Variants in RBFOX1 observed in about 807,000 individuals in gnomAD.
RBFOX1 encodes the protein RNA binding fox-1 homolog 1, also known as RNA binding protein fox-1 homolog 1.
Under a neutral mutation model 57.7 loss-of-function variants are expected in RBFOX1, and 8 were observed. The ratio of observed to expected loss-of-function variants is 0.14; its 90% CI spans 0.08 to 0.25. RBFOX1 has a LOEUF of 0.25. Ranked by LOEUF, RBFOX1 falls within the 10% of genes least tolerant of loss-of-function variation. The pLI is 1.00. For synonymous variants in RBFOX1, 326 were observed against 222.4 expected (o/e 1.47, Z -4.15); for missense variants, 611 against 548.5 (o/e 1.11, Z -1.14).
At chr16:5,398,034 T>C (rs1271892142) in intron 1 of RBFOX1, among the ~76,000 whole-genome samples, 2 of 151,712 alleles carry the variant, frequency 1.3e-5, no homozygotes, top group Admixed American at 1.3e-4. Flanking sequence ...TTTAATTGAA[T>C]TGTGGTTGGT....
At chr16:5,603,217 A>G (rs2047426161), downstream of RBFOX1, among the ~76,000 whole-genome samples, 1 of 152,204 alleles carries the variant, frequency 6.6e-6, no homozygotes, top group African/African-American at 2.4e-5. Context: ...AAATAATCAT[A>G]ACAGCTAGCA....
chr16:5,766,188 T>G (rs2053771292), intron 3 of RBFOX1, among the ~76,000 whole-genome samples: 1 of 152,148 alleles, frequency 6.6e-6, no homozygotes, highest in African/African-American at 2.4e-5. Flanking sequence ...TAAGAACAGC[T>G]TGTCTAGCCA....
chr16:5,753,880 A>C (rs558032193), intron 3 of RBFOX1, among the ~76,000 whole-genome samples: 1 of 152,104 alleles, frequency 6.6e-6, no homozygotes, highest in Non-Finnish European at 1.5e-5. Context: ...ACAAAAATCA[A>C]TGATCTAAAC....
intron 1 of RBFOX1, among the ~76,000 whole-genome samples, chr16:6,224,958 G>A (rs765657786): frequency 4.7e-5 from 7 of 149,926 alleles, no homozygotes; most frequent in Non-Finnish European, 1.0e-4. Flanking sequence ...GGTGGAGGTT[G>A]TGGTGAGCCA....
chr16:6,965,914 C>T (rs1051648832), intron 3 of RBFOX1, among the ~76,000 whole-genome samples: 7 of 152,100 alleles, frequency 4.6e-5, no homozygotes, highest in South Asian at 2.1e-4. Flanking sequence ...GAAATAGTAG[C>T]AGAGTTGGCA....
intron 1 of RBFOX1, among the ~76,000 whole-genome samples, chr16:5,312,909 C>T (rs191307065): frequency 1.3e-5 from 2 of 152,292 alleles, no homozygotes; most frequent in African/African-American, 2.4e-5. Flanking sequence ...GTCTTGCTGC[C>T]TCTCACATGG....
intron 2 of RBFOX1, among the ~76,000 whole-genome samples, chr16:6,594,178 A>C (rs981865831): frequency 5.3e-5 from 8 of 152,194 alleles, no homozygotes; most frequent in African/African-American, 1.7e-4. Context: ...TCCTTTGTCT[A>C]GTAAGAGTGT....
chr16:6,892,775 CCT>C (rs750285832), intron 3 of RBFOX1, among the ~76,000 whole-genome samples: 3,993 of 83,554 alleles, frequency 0.048, 84 homozygotes, highest in Non-Finnish European at 0.051. Flanking sequence ...TCCCTGTCTC[CCT>C]CTCTCTCTCT....
chr16:6,992,909 A>G (rs973000845), intron 3 of RBFOX1, among the ~76,000 whole-genome samples: 3 of 151,562 alleles, frequency 2.0e-5, no homozygotes, highest in Non-Finnish European at 4.4e-5. Context: ...GGTGTCATTC[A>G]CAAGGAATTA....
chr16:6,858,548 G>A (rs902920411), intron 3 of RBFOX1, among the ~76,000 whole-genome samples: 6 of 152,076 alleles, frequency 3.9e-5, no homozygotes, highest in African/African-American at 1.4e-4. Context: ...ACTTAGAATC[G>A]TACGGTTACA....
chr16:7,446,798 A>T (rs536602448), intron 4 of RBFOX1, among the ~76,000 whole-genome samples: 564 of 49,006 alleles, frequency 0.012, 7 homozygotes, highest in African/African-American at 0.04. Flanking sequence ...AGGTCTAGGT[A>T]TTTTTTTTTT....
intron 5 of RBFOX1, among the ~76,000 whole-genome samples, chr16:7,550,794 C>G (rs761169788): frequency 9.9e-5 from 15 of 152,068 alleles, no homozygotes; most frequent in African/African-American, 7.2e-5. Context: ...TTCACCCAGA[C>G]TCAGAAATGC....
intron 3 of RBFOX1, among the ~76,000 whole-genome samples, chr16:5,776,427 T>C (rs1052516333): frequency 2.1e-4 from 32 of 152,300 alleles, no homozygotes; most frequent in African/African-American, 7.7e-4. Flanking sequence ...TCTGTGTGAA[T>C]TGGTTGACCT....
chr16:7,697,772 G>A (rs1230119489), intron 14 of RBFOX1, among the ~76,000 whole-genome samples: 2 of 152,088 alleles, frequency 1.3e-5, no homozygotes, highest in Admixed American at 6.5e-5. Context: ...ACTCCAGATG[G>A]AATTCTACCT....
intron 4 of RBFOX1, among the ~76,000 whole-genome samples, chr16:7,392,570 C>T (rs2098052573): frequency 1.3e-5 from 2 of 152,144 alleles, no homozygotes; most frequent in South Asian, 4.1e-4. Flanking sequence ...TTATTTACCT[C>T]CTGTGGGTTT....
At chr16:7,503,734 G>C (rs930082938) in intron 4 of RBFOX1, among the ~76,000 whole-genome samples, 2 of 152,164 alleles carry the variant, frequency 1.3e-5, no homozygotes, top group Non-Finnish European at 2.9e-5. Context: ...AATTCAAAAT[G>C]CATCTGTCTG....
chr16:7,483,964 C>T (rs114497804), intron 4 of RBFOX1, among the ~76,000 whole-genome samples: 1 of 152,194 alleles, frequency 6.6e-6, no homozygotes, highest in Non-Finnish European at 1.5e-5. Flanking sequence ...AGTTCCTTGA[C>T]CTTAAGTTTC....
chr16:5,467,327 G>T, intron 2 of RBFOX1: 9 of 1,399,724 alleles, frequency 6.4e-6, no homozygotes, highest in South Asian at 1.3e-5. Context: ...GAAAAATCTT[G>T]CGTCACAGCC....
intron 11 of RBFOX1, among the ~76,000 whole-genome samples, chr16:7,642,977 C>T (rs1342039058): frequency 6.6e-6 from 1 of 152,292 alleles, no homozygotes; most frequent in East Asian, 1.9e-4. Flanking sequence ...ATCACAAATA[C>T]CTCTTCTGCA....
Sources: gnomAD v4.1 joint callset for allele counts (sites outside exome capture counted in the v4.1 genomes callset) on GRCh38, gnomAD v4.1.1 for gene constraint, MANE v1.5 for transcripts, NCBI Gene and HGNC (gene_info 2026-07-23, HGNC 2026-07-21) for gene names.